The following GRM8 variants were observed in gnomAD, a reference collection of about 807,000 sequenced individuals.
GRM8 encodes metabotropic glutamate receptor 8.
A neutral mutation model predicts 87.2 loss-of-function variants in GRM8; 47 were observed. That is an observed-to-expected ratio of 0.54 (90% CI 0.43 to 0.69). The LOEUF (loss-of-function observed/expected upper bound fraction) is 0.69. Among genes scored for constraint, GRM8 ranks in the 30% least tolerant of loss-of-function variants. GRM8 has a pLI of 0.00. For missense variants in GRM8, 1,019 were observed against 1,139.2 expected, an observed-to-expected ratio of 0.89 and a Z score of 1.52; for synonymous variants, 396 against 404.5, an observed-to-expected ratio of 0.98 and a Z score of 0.25.
intron 3 of GRM8, among the ~76,000 whole-genome samples, chr7:126,912,631 C>T (rs1245542166): frequency 6.6e-6 from 1 of 152,190 alleles, no homozygotes; most frequent in Non-Finnish European, 1.5e-5. Context: ...TCTCTGTAGC[C>T]AGGGCATTCC....
At chr7:126,729,317 T>G (rs570033315) in intron 7 of GRM8, among the ~76,000 whole-genome samples, 2 of 152,218 alleles carry the variant, frequency 1.3e-5, no homozygotes, top group Admixed American at 6.5e-5. Context: ...GTTCAACCTA[T>G]GTGCTAAGCA....
intron 2 of GRM8, among the ~76,000 whole-genome samples, chr7:127,212,407 G>GTTGTTTTT (rs1563581982): frequency 8.4e-6 from 1 of 118,420 alleles, no homozygotes; most frequent in African/African-American, 3.7e-5. Flanking sequence ...AGGACATGGT[G>GTTGTTTTT]TTATTTTTTT....
intron 3 of GRM8, among the ~76,000 whole-genome samples, chr7:126,935,181 T>C (rs967851329): frequency 6.6e-6 from 1 of 152,194 alleles, no homozygotes; most frequent in Admixed American, 6.5e-5. Context: ...TCTTGCATTC[T>C]ACATTTTTAA....
chr7:126,753,807 T>G (rs1816706452), intron 7 of GRM8, among the ~76,000 whole-genome samples: 1 of 151,838 alleles, frequency 6.6e-6, no homozygotes, highest in Admixed American at 6.6e-5. Flanking sequence ...TTAAAGCAAT[T>G]TATTATTTTT....
chr7:126,481,327 G>T (rs1427107433), intron 9 of GRM8, among the ~76,000 whole-genome samples: 1 of 151,918 alleles, frequency 6.6e-6, no homozygotes, highest in African/African-American at 2.4e-5. Context: ...ACACCTATTT[G>T]TACAGTTACA....
At chr7:126,653,023 C>T (rs1804090813) in intron 7 of GRM8, among the ~76,000 whole-genome samples, 1 of 151,894 alleles carries the variant, frequency 6.6e-6, no homozygotes, top group African/African-American at 2.4e-5. Flanking sequence ...TTTAAGATCC[C>T]CCTAAGGAAT....
intron 7 of GRM8, among the ~76,000 whole-genome samples, chr7:126,620,179 T>G (rs1251195305): frequency 6.6e-6 from 1 of 152,146 alleles, no homozygotes; most frequent in Non-Finnish European, 1.5e-5. Flanking sequence ...TCCTCATTAC[T>G]CAGGAGGCTG....
At chr7:127,080,306 G>T (rs953719591) in intron 3 of GRM8, among the ~76,000 whole-genome samples, 1 of 152,180 alleles carries the variant, frequency 6.6e-6, no homozygotes, top group African/African-American at 2.4e-5. Flanking sequence ...GATTAAGAAA[G>T]GAGCACAGCT....
chr7:126,948,895 T>C (rs955609266), intron 3 of GRM8, among the ~76,000 whole-genome samples: 6 of 152,178 alleles, frequency 3.9e-5, no homozygotes, highest in Non-Finnish European at 5.9e-5. Context: ...CACAGTAAGA[T>C]TCAACCACAG....
chr7:126,479,544 TA>T (rs1806411667), intron 9 of GRM8, among the ~76,000 whole-genome samples: 1 of 152,126 alleles, frequency 6.6e-6, no homozygotes, highest in African/African-American at 2.4e-5. Flanking sequence ...TCATAGCATG[TA>T]TCAGTACTTA....
intron 6 of GRM8, among the ~76,000 whole-genome samples, chr7:126,839,142 A>G (rs1318148266): frequency 1.3e-5 from 2 of 152,176 alleles, no homozygotes; most frequent in East Asian, 1.9e-4. Flanking sequence ...GGCACTTTAC[A>G]TAAGGCACAC....
At chr7:126,758,560 A>G (rs1365082373) in intron 7 of GRM8, among the ~76,000 whole-genome samples, 1 of 152,224 alleles carries the variant, frequency 6.6e-6, no homozygotes, top group Non-Finnish European at 1.5e-5. Flanking sequence ...TAAGATATAA[A>G]GGAAGATGAA....
At position 127,011,818 on chromosome 7, in the gene GRM8, C is replaced by T. The variant is rs557209748; in HGVS notation, c.727+94678G>A. 2.0e-5 allele frequency among the ~76,000 whole-genome samples: 3 copies of T among 152,222 alleles called. No individual in the cohort carries two copies. The South Asian group carries it at 6.2e-4, about 32-fold the overall frequency. On this transcript the variant is annotated intron_variant, in intron 3 of 10. Transcript: ENST00000339582. ...TTTCTTACCTTCTCAGCCTAGAATG[C>T]CTTCCTTCTGTATTTTAAGTGGATG...
chr7:127,104,245 C>A (rs908620850), intron 3 of GRM8, among the ~76,000 whole-genome samples: 1 of 152,142 alleles, frequency 6.6e-6, no homozygotes, highest in Non-Finnish European at 1.5e-5. Flanking sequence ...GTATACATCT[C>A]TTTCTCACTC....
At chr7:126,762,605 C>T (rs1817695294) in intron 7 of GRM8, among the ~76,000 whole-genome samples, 1 of 151,940 alleles carries the variant, frequency 6.6e-6, no homozygotes, top group African/African-American at 2.4e-5. Context: ...GTAGAAATAA[C>T]TAGGCAGTAT....
chr7:127,058,574 C>A (rs1324191086), intron 3 of GRM8, among the ~76,000 whole-genome samples: 1 of 152,194 alleles, frequency 6.6e-6, no homozygotes, highest in Non-Finnish European at 1.5e-5. Flanking sequence ...TTCTTGCCCT[C>A]AATGTCCACC....
intron 2 of GRM8, among the ~76,000 whole-genome samples, chr7:127,125,337 A>T (rs1827301666): frequency 1.3e-5 from 2 of 152,102 alleles, no homozygotes; most frequent in South Asian, 4.1e-4. Flanking sequence ...AAAGATGCCA[A>T]GAAAATTCAA....
chr7:126,974,973 T>G (rs907475089), intron 3 of GRM8, among the ~76,000 whole-genome samples: 6 of 120,898 alleles, frequency 5.0e-5, no homozygotes, highest in Non-Finnish European at 8.4e-5. Flanking sequence ...AAAAAACCAC[T>G]AACTTAGTCA....
intron 3 of GRM8, among the ~76,000 whole-genome samples, chr7:126,977,434 G>A (rs1010973933): frequency 1.3e-5 from 2 of 152,202 alleles, no homozygotes; most frequent in African/African-American, 4.8e-5. Flanking sequence ...AAAGGGTACT[G>A]CTTGTCTAAG....
Sources: gnomAD v4.1 joint callset for allele counts (sites outside exome capture counted in the v4.1 genomes callset) on GRCh38, gnomAD v4.1.1 for gene constraint, MANE v1.5 for transcripts, NCBI Gene and HGNC (gene_info 2026-07-23, HGNC 2026-07-21) for gene names.